Variants in FOCAD observed in about 807,000 individuals in gnomAD.
The protein encoded by FOCAD is KIAA1797.
FOCAD carries 198 observed loss-of-function variants against 225.6 expected under a neutral mutation model. That is an observed-to-expected ratio of 0.88 (90% CI 0.78 to 0.99). The LOEUF is 0.99. Among genes scored for constraint, FOCAD ranks in the 50% least tolerant of loss-of-function variants. FOCAD has a pLI of 0.00. For synonymous variants in FOCAD, 897 were observed against 755.0 expected (o/e 1.19, Z -3.08); for missense variants, 2,713 against 2,123.6 (o/e 1.28, Z -5.46).
At chr9:20,688,463 G>C (rs1212903502) in intron 1 of FOCAD, among the ~76,000 whole-genome samples, 1 of 152,188 alleles carries the variant, frequency 6.6e-6, no homozygotes. Flanking sequence ...AGTAGTCTTG[G>C]ACATGGGTTT....
intron 7 of FOCAD, among the ~76,000 whole-genome samples, chr9:20,769,352 T>TG (rs1274858427): frequency 6.6e-6 from 1 of 152,214 alleles, no homozygotes; most frequent in Non-Finnish European, 1.5e-5. Context: ...GATGGTCCGT[T>TG]GTTTGTAATC....
intron 43 of FOCAD, 39 bp from the exon 44 acceptor site, chr9:20,995,517 C>G (rs1316872608): frequency 6.4e-7 from 1 of 1,552,732 alleles, no homozygotes; most frequent in Non-Finnish European, 8.9e-7. Context: ...TCAAAATGAC[C>G]TTTTCAAATG....
At chr9:20,858,864 G>C (rs564349089) in intron 15 of FOCAD, among the ~76,000 whole-genome samples, 12 of 152,068 alleles carry the variant, frequency 7.9e-5, no homozygotes, top group African/African-American at 2.6e-4. Flanking sequence ...GGAGCATGTT[G>C]TTTAATTTCC....
chr9:20,847,472 AT>A (rs11338930), intron 15 of FOCAD, among the ~76,000 whole-genome samples: 47,673 of 142,734 alleles, frequency 0.33, 7,689 homozygotes, highest in East Asian at 0.48. Context: ...ATCTGCTCAG[AT>A]TTTTTTTTTT....
chr9:20,676,294 C>T (rs558336989), intron 2 of FOCAD, among the ~76,000 whole-genome samples: 7 of 152,258 alleles, frequency 4.6e-5, no homozygotes, highest in South Asian at 2.1e-4. Flanking sequence ...CTGAATATCC[C>T]GATTTGCCCT....
intron 1 of FOCAD, among the ~76,000 whole-genome samples, chr9:20,699,354 G>T (rs1823646828): frequency 6.6e-6 from 1 of 151,952 alleles, no homozygotes; most frequent in Non-Finnish European, 1.5e-5. Context: ...CATCTAGTTG[G>T]TCATTTACTT....
chr9:20,716,366 G>T (rs1042006731), intron 2 of FOCAD, among the ~76,000 whole-genome samples: 2 of 151,962 alleles, frequency 1.3e-5, no homozygotes, highest in African/African-American at 4.8e-5. Context: ...ATATTGTTTA[G>T]TGTAGGATGG....
chr9:20,660,914 C>CA (rs1821698047), intron 2 of FOCAD, among the ~76,000 whole-genome samples: 1 of 151,732 alleles, frequency 6.6e-6, no homozygotes, highest in Non-Finnish European at 1.5e-5. Flanking sequence ...GCAATTTGGG[C>CA]AAAAATTATG....
At chr9:20,812,049 A>G (rs187034444) in intron 11 of FOCAD, among the ~76,000 whole-genome samples, 132 of 152,214 alleles carry the variant, frequency 8.7e-4, no homozygotes, top group Non-Finnish European at 1.5e-3. Context: ...ACAAGGGCTT[A>G]TGCAAAGTTG....
intron 2 of FOCAD, 38 bp from the exon 3 acceptor site, chr9:20,717,756 C>T (rs1277453234): frequency 1.3e-6 from 2 of 1,510,466 alleles, no homozygotes; most frequent in Admixed American, 3.5e-5. Flanking sequence ...GAAAGAACTT[C>T]TAAGGGACTG....
chr9:20,968,378 G>T (rs1202038913), intron 35 of FOCAD, among the ~76,000 whole-genome samples: 2 of 83,082 alleles, frequency 2.4e-5, no homozygotes, highest in African/African-American at 8.6e-5. Flanking sequence ...TGCCAATTTT[G>T]TTTATCTTTT....
chr9:20,863,133 G>A (rs1828927660), intron 16 of FOCAD: 1 of 153,070 alleles, frequency 6.5e-6, no homozygotes, highest in Non-Finnish European at 1.5e-5. Context: ...AATACTTGGT[G>A]GAAGATTCTT....
At chr9:20,766,643 T>A (rs962781185) in intron 7 of FOCAD, among the ~76,000 whole-genome samples, 5 of 151,978 alleles carry the variant, frequency 3.3e-5, no homozygotes, top group Non-Finnish European at 5.9e-5. Flanking sequence ...TTTCCTTCCT[T>A]CCTTTCCTCC....
intron 35 of FOCAD, 137 bp from the exon 36 acceptor site, chr9:20,976,283 G>T: frequency 1.3e-6 from 1 of 762,372 alleles, no homozygotes; most frequent in Non-Finnish European, 2.1e-6. Context: ...TAAGAGCACA[G>T]AATTGAAGCG....
intron 27 of FOCAD, among the ~76,000 whole-genome samples, chr9:20,931,158 C>G (rs528756177): frequency 2.6e-5 from 4 of 152,240 alleles, no homozygotes; most frequent in African/African-American, 9.6e-5. Context: ...CTGGAGAAAC[C>G]TATGATGATT....
At chr9:20,673,212 A>C (rs1822128648) in intron 2 of FOCAD, among the ~76,000 whole-genome samples, 1 of 152,196 alleles carries the variant, frequency 6.6e-6, no homozygotes, top group Non-Finnish European at 1.5e-5. Flanking sequence ...GACTATTACA[A>C]ATAATGCTGC....
chr9:20,888,221 C>T (rs935749374), intron 21 of FOCAD, among the ~76,000 whole-genome samples: 1 of 150,134 alleles, frequency 6.7e-6, no homozygotes, highest in African/African-American at 2.5e-5. Context: ...TCACTACAAC[C>T]TCCGCCTCCT....
chr9:20,910,445 G>A (rs1419890369), intron 22 of FOCAD, among the ~76,000 whole-genome samples: 1 of 152,054 alleles, frequency 6.6e-6, no homozygotes, highest in Non-Finnish European at 1.5e-5. Context: ...GCAGCTTCCA[G>A]TAAGTTACTC....
chr9:20,923,640 A>T lies in FOCAD; in HGVS notation c.2853-20A>T, dbSNP rs758789176. On this transcript the variant is annotated intron_variant, in intron 24 of 43. Coordinates refer to ENST00000338382, the MANE Select transcript of FOCAD (RefSeq NM_001375567.1). The stretch of plus-strand genomic sequence containing the variant: ...GTTAATACCAAAGTTCTCTGTTGAA[A>T]TTTTTTTCCTTTTGAACAGGGAGAG... 1.1e-5 allele frequency: 17 copies of T among 1,603,488 alleles called. No individual in the cohort carries two copies. Among genetic ancestry groups the T allele is most frequent in the Non-Finnish European group, 1.5e-5 (17 of 1,171,500 alleles).
Sources: gnomAD v4.1 joint callset for allele counts (sites outside exome capture counted in the v4.1 genomes callset) on GRCh38, gnomAD v4.1.1 for gene constraint, MANE v1.5 for transcripts, NCBI Gene and HGNC (gene_info 2026-07-23, HGNC 2026-07-21) for gene names.